The following TTC7B variants were observed in gnomAD, a reference collection of about 807,000 sequenced individuals.
TTC7B encodes the protein tetratricopeptide repeat domain 7B.
A neutral mutation model predicts 106.8 loss-of-function variants in TTC7B; 28 were observed. The ratio of observed to expected loss-of-function variants is 0.26; its 90% CI spans 0.19 to 0.36. TTC7B has a LOEUF of 0.36. Ranked by LOEUF, TTC7B falls within the 10% of genes least tolerant of loss-of-function variation. The pLI is 1.00. For synonymous variants in TTC7B, 405 were observed against 430.6 expected, an observed-to-expected ratio of 0.94 and a Z score of 0.74; for missense variants, 862 against 1,076.4, an observed-to-expected ratio of 0.80 and a Z score of 2.79.
At chr14:90,815,349 G>C (rs2031109837) in intron 1 of TTC7B, among the ~76,000 whole-genome samples, 2 of 152,094 alleles carry the variant, frequency 1.3e-5, no homozygotes, top group Non-Finnish European at 2.9e-5. Context: ...TTGGGTACAA[G>C]AACCAATCCA....
At chr14:90,541,720 T>A in intron 19 of TTC7B, 131 bp from the exon 20 acceptor site, 1 of 639,294 alleles carries the variant, frequency 1.6e-6, no homozygotes, top group Non-Finnish European at 2.5e-6. Context: ...GGGCCCATAG[T>A]AAGTTCTCCA....
chr14:90,561,333 T>C (rs980207619), intron 19 of TTC7B, among the ~76,000 whole-genome samples: 6 of 152,252 alleles, frequency 3.9e-5, no homozygotes, highest in Middle Eastern at 3.4e-3. Flanking sequence ...ATACTGTACA[T>C]GTGTGCACGT....
At position 90,757,791 on chromosome 14, in the gene TTC7B, T is replaced by G. The variant is rs1242957031; in HGVS notation, c.446-12869A>C. ...GATCTCACTTGAAGACATGAATCTC[T>G]CAAGGAACACTCCAGGAAAATCCTC... On this transcript the variant is annotated intron_variant, in intron 3 of 19. Coordinates refer to ENST00000328459, the MANE Select transcript of TTC7B (RefSeq NM_001010854.2). This position sits in a 1 kb window ranked among gnomAD's most constrained non-coding sequence, Gnocchi z 4.1. Among the ~76,000 whole-genome samples, 1 of 152,204 alleles carries G rather than the reference T, an allele frequency of 6.6e-6. No individual in the cohort carries two copies. The highest frequency in any genetic ancestry group is 2.4e-5 in the African/African-American group (1 of 41,426).
At chr14:90,720,073 T>C (rs1888831219) in intron 5 of TTC7B, among the ~76,000 whole-genome samples, 1 of 151,950 alleles carries the variant, frequency 6.6e-6, no homozygotes, top group African/African-American at 2.4e-5. Flanking sequence ...TAGTGTATTT[T>C]ACGTGTGGCC....
At chr14:90,777,452 G>A (rs1453904975) in intron 3 of TTC7B, among the ~76,000 whole-genome samples, 1 of 152,088 alleles carries the variant, frequency 6.6e-6, no homozygotes, top group African/African-American at 2.4e-5. Flanking sequence ...GAGGTTCTGG[G>A]AGCTGAACCA....
intron 9 of TTC7B, among the ~76,000 whole-genome samples, chr14:90,659,230 T>TGAGA: frequency 6.8e-6 from 1 of 146,960 alleles, no homozygotes; most frequent in South Asian, 2.2e-4. Context: ...TGTGTGTGTG[T>TGAGA]GAGAGAGAGA....
At chr14:90,743,563 T>C (rs1201156819) in intron 4 of TTC7B, among the ~76,000 whole-genome samples, 1 of 152,200 alleles carries the variant, frequency 6.6e-6, no homozygotes, top group Non-Finnish European at 1.5e-5. Context: ...TCTCTGGGTC[T>C]GAAGGGGTCA....
chr14:90,689,454 T>C, intron 7 of TTC7B, 86 bp downstream of exon 7: 2 of 1,189,478 alleles, frequency 1.7e-6, no homozygotes, highest in Non-Finnish European at 2.4e-6. Flanking sequence ...GGAAAAAATC[T>C]ACTCTTGTAC....
At chr14:90,658,186 C>T (rs1886029743) in intron 10 of TTC7B, 118 bp downstream of exon 10, 3 of 857,786 alleles carry the variant, frequency 3.5e-6, no homozygotes, top group Admixed American at 4.4e-5. Flanking sequence ...ACGATAGTTT[C>T]TCAGAGTGGC....
At chr14:90,582,119 C>T (rs1891520004) in intron 18 of TTC7B, among the ~76,000 whole-genome samples, 1 of 152,216 alleles carries the variant, frequency 6.6e-6, no homozygotes, top group African/African-American at 2.4e-5. Context: ...ATTTTCAAAC[C>T]ATTTTTGCCA....
chr14:90,562,674 T>A (rs1435197176), intron 19 of TTC7B, among the ~76,000 whole-genome samples: 1 of 152,212 alleles, frequency 6.6e-6, no homozygotes, highest in African/African-American at 2.4e-5. Flanking sequence ...ATTTTACCCC[T>A]AAATACTTCA....
At chr14:90,669,664 G>A (rs188805347) in intron 9 of TTC7B, among the ~76,000 whole-genome samples, 244 of 152,176 alleles carry the variant, frequency 1.6e-3, no homozygotes, top group African/African-American at 5.7e-3. Flanking sequence ...TGGCCAATAA[G>A]CACATAAAAA....
At chr14:90,705,290 A>G (rs560195839) in intron 5 of TTC7B, among the ~76,000 whole-genome samples, 1 of 152,196 alleles carries the variant, frequency 6.6e-6, no homozygotes, top group Non-Finnish European at 1.5e-5. Flanking sequence ...AACTGGTTCC[A>G]TGCCATTCCC....
intron 1 of TTC7B, among the ~76,000 whole-genome samples, chr14:90,792,189 G>A (rs1047559863): frequency 2.6e-5 from 4 of 152,114 alleles, no homozygotes; most frequent in Non-Finnish European, 4.4e-5. Flanking sequence ...AGTGCTATGC[G>A]GATTCAGGGC....
chr14:90,621,244 TG>T, intron 15 of TTC7B, among the ~76,000 whole-genome samples: 1 of 114,580 alleles, frequency 8.7e-6, no homozygotes, highest in African/African-American at 3.5e-5. Context: ...GTAGGCCACG[TG>T]GGTATAGCCA....
intron 9 of TTC7B, among the ~76,000 whole-genome samples, chr14:90,666,886 C>T (rs1645650113): frequency 6.6e-6 from 1 of 152,184 alleles, no homozygotes. Flanking sequence ...GGCATGCTCT[C>T]CTCTCAACTC....
chr14:90,685,867 A>T (rs1056804168), intron 7 of TTC7B, among the ~76,000 whole-genome samples: 1 of 152,136 alleles, frequency 6.6e-6, no homozygotes, highest in South Asian at 2.1e-4. Flanking sequence ...AACAAAAAAA[A>T]CTTCCTACAA....
chr14:90,708,868 G>A (rs1156756316), intron 5 of TTC7B, among the ~76,000 whole-genome samples: 1 of 151,968 alleles, frequency 6.6e-6, no homozygotes, highest in African/African-American at 2.4e-5. Flanking sequence ...ATCAAAAAGT[G>A]GGTGAAGGAT....
rs553543977 is a variant in TTC7B, at chr14:90,628,971, G to A, written c.1752-10926C>T. On this transcript the variant is annotated intron_variant, in intron 15 of 19. Transcript: ENST00000328459. ...CTTCGGAGGCATAGCACGCTCCAGC[G>A]TGATTCTGCCTCCACATCTCACTGT... 7.3e-4 allele frequency among the ~76,000 whole-genome samples: 111 copies of A among 152,362 alleles called. 1 individual carries two copies. The highest frequency in any genetic ancestry group is 6.3e-4 in the Non-Finnish European group (43 of 68,038).
Sources: allele counts gnomAD v4.1 joint callset (sites outside exome capture counted in the v4.1 genomes callset), GRCh38; gene constraint gnomAD v4.1.1; non-coding constraint Gnocchi (gnomAD v3.1); transcripts MANE v1.5; gene names NCBI Gene and HGNC (gene_info 2026-07-23, HGNC 2026-07-21).